THSD7B: variants seen among roughly 807,000 people sequenced by gnomAD.
The protein encoded by THSD7B is thrombospondin type-1 domain-containing protein 7B.
In THSD7B, 138 loss-of-function variants were observed where a neutral mutation model predicts 213.6. That is an observed-to-expected ratio of 0.65 (90% CI 0.56 to 0.74). The LOEUF (loss-of-function observed/expected upper bound fraction) is 0.74. Ranked by LOEUF, THSD7B falls within the 30% of genes least tolerant of loss-of-function variation. THSD7B has a pLI of 0.00. For missense variants in THSD7B, 1,931 were observed against 1,991.5 expected (o/e 0.97, Z 0.58); for synonymous variants, 742 against 687.0 (o/e 1.08, Z -1.25).
chr2:137,465,606 G>A (rs561182522), intron 15 of THSD7B, among the ~76,000 whole-genome samples: 4 of 152,108 alleles, frequency 2.6e-5, no homozygotes, highest in African/African-American at 4.8e-5. Context: ...GACTAGAACA[G>A]GGGTCCTGAC....
At chr2:136,883,124 A>G (rs1683653010) in intron 2 of THSD7B, among the ~76,000 whole-genome samples, 1 of 152,128 alleles carries the variant, frequency 6.6e-6, no homozygotes, top group African/African-American at 2.4e-5. Flanking sequence ...TCTTTCAAAT[A>G]CTGATAACTT....
At chr2:137,663,957 T>G (rs1189683151) in intron 26 of THSD7B, among the ~76,000 whole-genome samples, 1 of 152,176 alleles carries the variant, frequency 6.6e-6, no homozygotes, top group African/African-American at 2.4e-5. Flanking sequence ...GTTCAAGCGA[T>G]TCTCCTGCCA....
chr2:137,292,556 G>A (rs12611845), intron 12 of THSD7B, among the ~76,000 whole-genome samples: 7,766 of 152,212 alleles, frequency 0.051, 480 homozygotes, highest in African/African-American at 0.14. Context: ...CCTGTTAAGT[G>A]TAGTTTGTAT....
intron 17 of THSD7B, among the ~76,000 whole-genome samples, chr2:137,574,967 T>C (rs1447134018): frequency 6.6e-6 from 1 of 152,112 alleles, no homozygotes; most frequent in Non-Finnish European, 1.5e-5. Flanking sequence ...ATATTTGCCA[T>C]TATTTTACCA....
At chr2:137,333,296 A>G (rs1446199476) in intron 12 of THSD7B, among the ~76,000 whole-genome samples, 1 of 152,156 alleles carries the variant, frequency 6.6e-6, no homozygotes, top group African/African-American at 2.4e-5. Context: ...ATTTTAATCT[A>G]TTCTCTACTC....
At chr2:137,363,155 G>A (rs551403487) in intron 12 of THSD7B, among the ~76,000 whole-genome samples, 11 of 152,294 alleles carry the variant, frequency 7.2e-5, no homozygotes, top group African/African-American at 2.6e-4. Context: ...ATAACGAAAT[G>A]AAGGCAGAAA....
intron 2 of THSD7B, among the ~76,000 whole-genome samples, chr2:136,974,828 C>T (rs981176558): frequency 5.3e-5 from 8 of 152,130 alleles, no homozygotes; most frequent in Non-Finnish European, 1.0e-4. Flanking sequence ...AGTGTAAAAG[C>T]GTTCCTGTCT....
At chr2:137,413,317 C>G (rs1031717962) in intron 14 of THSD7B, among the ~76,000 whole-genome samples, 1 of 152,106 alleles carries the variant, frequency 6.6e-6, no homozygotes, top group African/African-American at 2.4e-5. Flanking sequence ...TTGAACAAAA[C>G]GTTTTTATTG....
At chr2:136,904,107 C>T (rs1259284372) in intron 2 of THSD7B, among the ~76,000 whole-genome samples, 3 of 152,030 alleles carry the variant, frequency 2.0e-5, no homozygotes, top group Non-Finnish European at 4.4e-5. Flanking sequence ...CTTTTATGGG[C>T]AAGAAAATGT....
chr2:137,015,206 A>C (rs1166950228), intron 2 of THSD7B, among the ~76,000 whole-genome samples: 1 of 152,152 alleles, frequency 6.6e-6, no homozygotes, highest in Admixed American at 6.5e-5. Flanking sequence ...AATAGTAATA[A>C]TGATAACTAG....
intron 15 of THSD7B, among the ~76,000 whole-genome samples, chr2:137,504,310 A>G (rs575226913): frequency 6.6e-6 from 1 of 152,332 alleles, no homozygotes; most frequent in Admixed American, 6.5e-5. Flanking sequence ...AATAAAAGGT[A>G]ATTGCAAAAG....
chr2:136,921,239 C>A lies in THSD7B; in HGVS notation c.139+38922C>A, dbSNP rs1333321350. On this transcript the variant is annotated intron_variant, in intron 2 of 27. Transcript: ENST00000409968. The stretch of plus-strand genomic sequence containing the variant: ...ACACTCAAAAAAAAAAAAAAAAAAA[C>A]CACATAGGCAGGCCCCTTATTCTGC... 1.4e-3 allele frequency among the ~76,000 whole-genome samples: 206 copies of A among 145,994 alleles called. 2 individuals are homozygous for A. The highest frequency in any genetic ancestry group is 4.2e-3 in the African/African-American group (162 of 38,678).
chr2:137,077,189 A>G (rs1489810069), intron 3 of THSD7B, among the ~76,000 whole-genome samples: 1 of 151,906 alleles, frequency 6.6e-6, no homozygotes, highest in African/African-American at 2.4e-5. Flanking sequence ...TATTCCATGG[A>G]GTATATGTGC....
chr2:137,325,676 A>G (rs1573962480), intron 12 of THSD7B, among the ~76,000 whole-genome samples: 1 of 152,238 alleles, frequency 6.6e-6, no homozygotes, highest in African/African-American at 2.4e-5. Flanking sequence ...TAAATGTAAA[A>G]TAAGAATGAT....
chr2:137,386,432 G>T (rs1482065977), intron 12 of THSD7B, among the ~76,000 whole-genome samples: 3 of 152,126 alleles, frequency 2.0e-5, no homozygotes, highest in African/African-American at 7.2e-5. Context: ...CTGAACTGAG[G>T]TCCCCTGCTA....
At chr2:137,657,993 G>T (rs555883295) in intron 24 of THSD7B, among the ~76,000 whole-genome samples, 4 of 152,074 alleles carry the variant, frequency 2.6e-5, no homozygotes, top group African/African-American at 9.7e-5. Context: ...TTACAGGCGT[G>T]AGCCACCACG....
At chr2:137,014,436 C>T (rs1469340925) in intron 2 of THSD7B, among the ~76,000 whole-genome samples, 1 of 152,140 alleles carries the variant, frequency 6.6e-6, no homozygotes, top group Non-Finnish European at 1.5e-5. Flanking sequence ...CGAGGCTCAT[C>T]GCTTAAGACA....
At chr2:137,048,638 A>G (rs1687010643) in intron 2 of THSD7B, among the ~76,000 whole-genome samples, 1 of 152,166 alleles carries the variant, frequency 6.6e-6, no homozygotes, top group South Asian at 2.1e-4. Flanking sequence ...TGTTTTACGT[A>G]TTTTTAAAGC....
At chr2:137,223,856 A>G (rs1681432414) in intron 7 of THSD7B, among the ~76,000 whole-genome samples, 1 of 152,002 alleles carries the variant, frequency 6.6e-6, no homozygotes, top group Non-Finnish European at 1.5e-5. Flanking sequence ...CTTGACTGTG[A>G]GTTCTCATGT....
Sources: gnomAD v4.1 joint callset for allele counts (sites outside exome capture counted in the v4.1 genomes callset) on GRCh38, gnomAD v4.1.1 for gene constraint, MANE v1.5 for transcripts, NCBI Gene and HGNC (gene_info 2026-07-23, HGNC 2026-07-21) for gene names.